Variants in AMOTL1 observed in about 807,000 individuals in gnomAD.
The protein encoded by AMOTL1 is angiomotin like 1, also known as angiomotin-like protein 1.
AMOTL1 carries 45 observed loss-of-function variants against 102.9 expected under a neutral mutation model. That is an observed-to-expected ratio of 0.44 (90% CI 0.34 to 0.56). AMOTL1 has a LOEUF of 0.56. Among genes scored for constraint, AMOTL1 ranks in the 20% least tolerant of loss-of-function variants. The pLI is 0.01. For missense variants in AMOTL1, 1,114 were observed against 1,225.6 expected, an observed-to-expected ratio of 0.91 and a Z score of 1.36; for synonymous variants, 481 against 484.7, an observed-to-expected ratio of 0.99 and a Z score of 0.10.
intron 6 of AMOTL1, among the ~76,000 whole-genome samples, chr11:94,837,143 G>T (rs2135677365): frequency 6.6e-6 from 1 of 152,322 alleles, no homozygotes; most frequent in South Asian, 2.1e-4. Context: ...AAAAATCAAA[G>T]TTTTGTAGGT....
chr11:94,830,160 TA>T lies in AMOTL1; in HGVS notation c.1525del (p.Arg509GlufsTer14). 1 of 1,610,694 alleles carries T rather than the reference TA, an allele frequency of 6.2e-7. No homozygotes were observed. The highest frequency in any genetic ancestry group is 1.1e-5 in the South Asian group (1 of 89,928). The part of the protein sequence containing the change: ...AMRNKLEGEI[R>X]RLHDFNRDLR... ...TGAGAAACAAATTGGAAGGCGAGAT[TA>T]GAAGACTTCATGATTTCAACAGAGA... On this transcript the variant is annotated frameshift_variant, in exon 5 of 13. Transcript: ENST00000433060. LOFTEE classifies it high-confidence loss of function.
In AMOTL1 at chr11:94,799,343, C is replaced by G. The variant is rs1951424153; in HGVS notation, c.200-47C>G. 1 of 1,427,334 alleles carries G rather than the reference C, an allele frequency of 7.0e-7. No homozygotes were observed. The allele number at this position is 1,427,334 out of a possible 1,614,324, so 88.4% of individuals were successfully genotyped here. A position where few individuals can be genotyped will look rare whatever the true frequency, so the allele number is the denominator to read the frequency against. The stretch of plus-strand genomic sequence containing the variant: ...GTACCACATAGTCACAGACATATAT[C>G]TCCTGTGGAGCTGCCTGATATCTTT... On this transcript the variant is annotated intron_variant, in intron 2 of 12. Coordinates refer to ENST00000433060, the MANE Select transcript of AMOTL1 (RefSeq NM_130847.3). The surrounding 1 kb of genome is among the most constrained non-coding windows in gnomAD (Gnocchi z 4.5).
At position 94,822,359 on chromosome 11, in the gene AMOTL1, A is replaced by T. The variant is rs541476278; in HGVS notation, c.1413+538A>T. Among the ~76,000 whole-genome samples, 4 of 152,294 alleles carry T rather than the reference A, an allele frequency of 2.6e-5. No individual in the cohort carries two copies. The East Asian group carries it at 7.7e-4, about 29-fold the overall frequency. ...GGAGGATCACATGAGCTTGGGAAGC[A>T]TAGGTTATAGTGAGTCAAGATCGCT... On this transcript the variant is annotated intron_variant, in intron 4 of 12. Transcript: ENST00000433060.
intron 3 of AMOTL1, among the ~76,000 whole-genome samples, chr11:94,754,193 G>A (rs142602974): frequency 0.01 from 1,567 of 152,244 alleles, 30 homozygotes; most frequent in African/African-American, 0.036. Context: ...GACTGCAAGG[G>A]GGACATGGGA....
chr11:94,840,681 T>TATACACACACACACAC (rs1166713705), intron 6 of AMOTL1, among the ~76,000 whole-genome samples: 1 of 104,786 alleles, frequency 9.5e-6, no homozygotes, highest in African/African-American at 4.0e-5. Flanking sequence ...TATATATATA[T>TATACACACACACACAC]ACACACACAC....
intron 6 of AMOTL1, among the ~76,000 whole-genome samples, chr11:94,836,808 T>G (rs1952192937): frequency 6.6e-6 from 1 of 151,968 alleles, no homozygotes; most frequent in Admixed American, 6.6e-5. Flanking sequence ...ATAGGAGTCT[T>G]TCATTATTAA....
At chr11:94,743,258 CCT>C (rs1950550280) in intron 3 of AMOTL1, among the ~76,000 whole-genome samples, 1 of 152,196 alleles carries the variant, frequency 6.6e-6, no homozygotes, top group Non-Finnish European at 1.5e-5. Flanking sequence ...TCTATTTTCA[CCT>C]CTTAAAGTGC....
At chr11:94,729,121 T>C (rs1315548232) in intron 2 of AMOTL1, 1 of 1,143,210 alleles carries the variant, frequency 8.7e-7, no homozygotes, top group East Asian at 5.8e-5. Context: ...ATTATGTCAA[T>C]CCACTGTACT....
rs909417812 is a variant in AMOTL1 at position 94,737,219 on chromosome 11, T to C, written c.86-3719T>C. ...TCACCCTGTGGAGCACTGGCAACGC[T>C]CTTCATAGGGGTAAACCTGTTGCCA... On this transcript the variant is annotated intron_variant, in intron 2 of 4. Coordinates refer to the AMOTL1 transcript ENST00000299004. Among the ~76,000 whole-genome samples, 45 of 152,332 alleles carry C rather than the reference T, an allele frequency of 3.0e-4. 1 individual carries two copies. Among genetic ancestry groups the C allele is most frequent in the Admixed American group, 7.8e-4 (12 of 15,304 alleles).
chr11:94,828,258 A>G (rs1364702168), intron 4 of AMOTL1, among the ~76,000 whole-genome samples: 1 of 152,202 alleles, frequency 6.6e-6, no homozygotes, highest in Non-Finnish European at 1.5e-5. Flanking sequence ...CCCAGTCACC[A>G]AAACCTGTTG....
At chr11:94,813,996 C>A (rs1033670141) in intron 3 of AMOTL1, among the ~76,000 whole-genome samples, 5 of 152,198 alleles carry the variant, frequency 3.3e-5, no homozygotes, top group African/African-American at 1.2e-4. Context: ...CAGCTGTCTC[C>A]TACAGGCTGA....
At chr11:94,797,314 A>G (rs974881115) in intron 2 of AMOTL1, among the ~76,000 whole-genome samples, 15 of 152,232 alleles carry the variant, frequency 9.9e-5, no homozygotes, top group African/African-American at 3.4e-4. Flanking sequence ...TCATAATGCT[A>G]TAATAATATC....
chr11:94,854,141 G>A, intron 8 of AMOTL1, 59 bp downstream of exon 8: 1 of 1,463,512 alleles, frequency 6.8e-7, no homozygotes, highest in Non-Finnish European at 9.1e-7. Context: ...GCAAACGTAT[G>A]GATGTTCTAC....
chr11:94,800,958 G>T (rs1565358010), intron 3 of AMOTL1, among the ~76,000 whole-genome samples: 1 of 152,170 alleles, frequency 6.6e-6, no homozygotes, highest in South Asian at 2.1e-4. Context: ...CTGAGTGTAT[G>T]CTGTACTCTG....
At chr11:94,808,293 A>G (rs942841533) in intron 3 of AMOTL1, among the ~76,000 whole-genome samples, 4 of 152,132 alleles carry the variant, frequency 2.6e-5, no homozygotes, top group Middle Eastern at 3.4e-3. Context: ...CTCCTCTCAC[A>G]TGTAAATTGT....
intron 6 of AMOTL1, among the ~76,000 whole-genome samples, chr11:94,838,341 A>G (rs1292615353): frequency 6.6e-6 from 1 of 152,240 alleles, no homozygotes; most frequent in Non-Finnish European, 1.5e-5. Context: ...CATTTATTCA[A>G]GCAAACAGTC....
chr11:94,823,758 C>T (rs1951913269), intron 4 of AMOTL1, among the ~76,000 whole-genome samples: 1 of 151,234 alleles, frequency 6.6e-6, no homozygotes, highest in Non-Finnish European at 1.5e-5. Flanking sequence ...ACTCCATTGC[C>T]AGGTTGGAGT....
In AMOTL1 at chr11:94,757,180, C is replaced by T. The variant is rs79090911; in HGVS notation, c.136+16192C>T. Reference sequence around the variant, plus strand: ...CAGTCTAGCACAGCAATAATTAAAACTCCACGAAAATGACCATATTTGGTA... The same window carrying T: ...CAGTCTAGCACAGCAATAATTAAAATTCCACGAAAATGACCATATTTGGTA... On this transcript the variant is annotated intron_variant, in intron 3 of 4. Transcript: ENST00000299004. 4.5e-3 allele frequency among the ~76,000 whole-genome samples: 680 copies of T among 152,194 alleles called. 5 individuals carry two copies. Among genetic ancestry groups the T allele is most frequent in the African/African-American group, 0.016 (658 of 41,506 alleles).
intron 7 of AMOTL1, among the ~76,000 whole-genome samples, chr11:94,850,935 T>TA (rs1161033440): frequency 3.3e-5 from 5 of 152,158 alleles, no homozygotes; most frequent in Non-Finnish European, 5.9e-5. Flanking sequence ...TTGTTGAATT[T>TA]AAAAAAACTG....
Sources: allele counts gnomAD v4.1 joint callset (sites outside exome capture counted in the v4.1 genomes callset), GRCh38; gene constraint gnomAD v4.1.1; non-coding constraint Gnocchi (gnomAD v3.1); transcripts MANE v1.5; gene names NCBI Gene and HGNC (gene_info 2026-07-23, HGNC 2026-07-21).